Variants in GALNT14 observed in about 807,000 individuals in gnomAD.
GALNT14 encodes the protein UDP-GalNAc:polypeptide N-acetylgalactosaminyltransferase 14.
A neutral mutation model predicts 77.5 loss-of-function variants in GALNT14; 60 were observed. The ratio of observed to expected loss-of-function variants is 0.77; its 90% CI spans 0.63 to 0.96. The LOEUF is 0.96. GALNT14 is among the 40% of genes least tolerant of loss of function. The pLI is 0.00. For missense variants in GALNT14, 710 were observed against 731.0 expected, an observed-to-expected ratio of 0.97 and a Z score of 0.33; for synonymous variants, 280 against 281.7, an observed-to-expected ratio of 0.99 and a Z score of 0.06.
chr2:30,933,253 T>A lies in GALNT14; in HGVS notation c.932-1059A>T, dbSNP rs575302174. On this transcript the variant is annotated intron_variant, in intron 9 of 14. Transcript: ENST00000349752. Reference sequence around the variant, plus strand: ...CAGCGAGGGCAGGCTGCTTCCTGCATCCCACTGGGCCTGTCACTGGTAGAA... The same window carrying A: ...CAGCGAGGGCAGGCTGCTTCCTGCAACCCACTGGGCCTGTCACTGGTAGAA... 5.3e-4 allele frequency among the ~76,000 whole-genome samples: 80 copies of A among 152,294 alleles called. No homozygotes were observed. The Middle Eastern group carries it at 0.017, about 32-fold the overall frequency.
chr2:31,121,183 C>G (rs1678394666), intron 1 of GALNT14, among the ~76,000 whole-genome samples: 1 of 152,194 alleles, frequency 6.6e-6, no homozygotes, highest in South Asian at 2.1e-4. Context: ...GTGACTTTGG[C>G]CATGGCCCTG....
Position 31,023,178 on chromosome 2 carries a change from C to A in GALNT14, c.130-30171G>T, listed in dbSNP as rs10194948. Among the ~76,000 whole-genome samples the A allele has an allele frequency of 2.5e-4, 15 of 59,972 alleles. No homozygotes were observed. The East Asian group carries it at 3.7e-3, about 15-fold the overall frequency. The allele number at this position is 59,972 out of a possible 152,430, so 39.3% of individuals were successfully genotyped here. A position where few individuals can be genotyped will look rare whatever the true frequency, so the allele number is the denominator to read the frequency against. On this transcript the variant is annotated intron_variant, in intron 1 of 14. Transcript: ENST00000349752. ...ACAAAAACAAAAACAAAAACAAAAA[C>A]AAAACAAGGTATGTTTGAAGGCTCA...
At chr2:31,115,447 A>G (rs77298517) in intron 1 of GALNT14, among the ~76,000 whole-genome samples, 4,362 of 152,302 alleles carry the variant, frequency 0.029, 90 homozygotes, top group Non-Finnish European at 0.044. Flanking sequence ...TCAAACAAAA[A>G]TCTCAAGATG....
In GALNT14 at chr2:31,138,386, C is replaced by A. The variant is rs1011343786; in HGVS notation, c.-300G>T. 6.8e-5 allele frequency: 26 copies of A among 384,674 alleles called. No individual in the cohort carries two copies. Among genetic ancestry groups the A allele is most frequent in the Non-Finnish European group, 1.0e-4 (22 of 217,248 alleles). The allele number at this position is 384,674 out of a possible 1,614,324, so 23.8% of individuals were successfully genotyped here. A position where few individuals can be genotyped will look rare whatever the true frequency, so the allele number is the denominator to read the frequency against. ...TGCCGAGATGTTCCCCACGCCGCCA[C>A]CGCGGCTGCCGCCGCCGCCGCCGCC... On this transcript the variant is annotated 5_prime_UTR_variant, in exon 1 of 15. Transcript: ENST00000349752.
intron 1 of GALNT14, among the ~76,000 whole-genome samples, chr2:31,088,568 C>T (rs1676574346): frequency 6.6e-6 from 1 of 152,176 alleles, no homozygotes; most frequent in Non-Finnish European, 1.5e-5. Context: ...TGGAGCCCAG[C>T]TTAGATCTGT....
chr2:30,925,891 T>C (rs1460059288), intron 11 of GALNT14, among the ~76,000 whole-genome samples: 1 of 152,104 alleles, frequency 6.6e-6, no homozygotes, highest in Non-Finnish European at 1.5e-5. Flanking sequence ...GAGGCAGCTG[T>C]GGAAACTCAG....
intron 1 of GALNT14, among the ~76,000 whole-genome samples, chr2:31,002,586 CT>C (rs1189126955): frequency 6.6e-6 from 1 of 152,226 alleles, no homozygotes; most frequent in African/African-American, 2.4e-5. Context: ...CTGCTTACCC[CT>C]ATACCTTTCT....
chr2:31,111,791 C>G (rs370953501), intron 1 of GALNT14, among the ~76,000 whole-genome samples: 2 of 152,034 alleles, frequency 1.3e-5, no homozygotes, highest in South Asian at 4.2e-4. Flanking sequence ...CGATGTTAGT[C>G]ATATTTTTCT....
At chr2:31,041,328 A>G (rs1673081592) in intron 1 of GALNT14, among the ~76,000 whole-genome samples, 2 of 152,158 alleles carry the variant, frequency 1.3e-5, no homozygotes, top group African/African-American at 2.4e-5. Context: ...CTAAAGTACT[A>G]TAGAAGGAGA....
At chr2:30,909,952 T>A (rs1258176767), downstream of GALNT14, among the ~76,000 whole-genome samples, 1 of 151,002 alleles carries the variant, frequency 6.6e-6, no homozygotes, top group East Asian at 2.0e-4. Context: ...CAGTAAACTA[T>A]CGCAAGAACA....
At chr2:31,082,060 C>A (rs1452738967) in intron 1 of GALNT14, among the ~76,000 whole-genome samples, 1 of 152,222 alleles carries the variant, frequency 6.6e-6, no homozygotes, top group African/African-American at 2.4e-5. Flanking sequence ...CTCCTACAAA[C>A]TTACCTAGTT....
chr2:30,951,277 A>G (rs1487773296), intron 6 of GALNT14, among the ~76,000 whole-genome samples: 2 of 152,230 alleles, frequency 1.3e-5, no homozygotes, highest in Admixed American at 6.5e-5. Context: ...CAGTATGCCA[A>G]TATCCATACA....
chr2:31,030,791 AG>A (rs1313368092), intron 1 of GALNT14, among the ~76,000 whole-genome samples: 1 of 152,224 alleles, frequency 6.6e-6, no homozygotes, highest in Non-Finnish European at 1.5e-5. Context: ...TATGAGAGAC[AG>A]CCAAGAAGGG....
chr2:31,031,001 A>G (rs1326964666), intron 1 of GALNT14, among the ~76,000 whole-genome samples: 1 of 152,230 alleles, frequency 6.6e-6, no homozygotes, highest in Non-Finnish European at 1.5e-5. Context: ...ATCATGAGAA[A>G]GCGCATGTGT....
intron 1 of GALNT14, among the ~76,000 whole-genome samples, chr2:31,003,665 A>T (rs1465433178): frequency 1.3e-5 from 2 of 152,240 alleles, no homozygotes; most frequent in East Asian, 3.8e-4. Flanking sequence ...CACATGCATT[A>T]CAACTTTGGG....
At chr2:30,995,178 T>TGTGTGTC (rs1669953426) in intron 1 of GALNT14, among the ~76,000 whole-genome samples, 2 of 104,494 alleles carry the variant, frequency 1.9e-5, no homozygotes, top group African/African-American at 7.7e-5. Flanking sequence ...GTGTGTGTGT[T>TGTGTGTC]CATGTGCATA....
intron 2 of GALNT14, 79 bp downstream of exon 2, chr2:30,992,759 A>C: frequency 6.7e-7 from 1 of 1,494,284 alleles, no homozygotes; most frequent in Non-Finnish European, 9.2e-7. Context: ...CTGGTGCTGC[A>C]TACAGCAGGC....
chr2:31,046,012 A>G (rs1673430473), intron 1 of GALNT14, among the ~76,000 whole-genome samples: 1 of 152,164 alleles, frequency 6.6e-6, no homozygotes, highest in South Asian at 2.1e-4. Flanking sequence ...CAATAATAAT[A>G]TTAAACTTCT....
intron 3 of GALNT14, among the ~76,000 whole-genome samples, chr2:30,961,842 C>T (rs1004048635): frequency 1.2e-4 from 18 of 151,980 alleles, no homozygotes; most frequent in African/African-American, 4.1e-4. Flanking sequence ...CCACCATGCC[C>T]AGCTAATTTT....
Sources: allele counts gnomAD v4.1 joint callset (sites outside exome capture counted in the v4.1 genomes callset), GRCh38; gene constraint gnomAD v4.1.1; transcripts MANE v1.5; gene names NCBI Gene and HGNC (gene_info 2026-07-23, HGNC 2026-07-21).